The following PER2 variants were observed in gnomAD, a reference collection of about 807,000 sequenced individuals.
The protein encoded by PER2 is period circadian regulator 2.
PER2 carries 66 observed loss-of-function variants against 121.0 expected under a neutral mutation model. The observed-to-expected ratio is 0.55, with a 90% confidence interval of 0.45 to 0.67. The LOEUF is 0.67. Ranked by LOEUF, PER2 falls within the 30% of genes least tolerant of loss-of-function variation. PER2 has a pLI of 0.00. For synonymous variants in PER2, 684 were observed against 659.9 expected, an observed-to-expected ratio of 1.04 and a Z score of -0.56; for missense variants, 1,521 against 1,635.0, an observed-to-expected ratio of 0.93 and a Z score of 1.20.
intron 5 of PER2, among the ~76,000 whole-genome samples, chr2:238,272,819 C>A (rs763237261): frequency 2.6e-5 from 4 of 152,206 alleles, no homozygotes; most frequent in Non-Finnish European, 5.9e-5. Flanking sequence ...TGGGTTTGCC[C>A]TTGCACCCAT....
At chr2:238,251,322 G>C (rs949443664) in intron 20 of PER2, among the ~76,000 whole-genome samples, 3 of 152,220 alleles carry the variant, frequency 2.0e-5, no homozygotes, top group Non-Finnish European at 1.5e-5. Flanking sequence ...ACCACTATCT[G>C]GGGAGTCAGA....
intron 11 of PER2, 93 bp downstream of exon 11, chr2:238,262,098 C>G: frequency 1.6e-6 from 2 of 1,269,888 alleles, no homozygotes; most frequent in Non-Finnish European, 2.3e-6. Flanking sequence ...GGCCTCTCAG[C>G]CCCTCCCTAT....
chr2:238,273,785 A>G (rs1696368356), intron 4 of PER2, among the ~76,000 whole-genome samples: 1 of 152,174 alleles, frequency 6.6e-6, no homozygotes, highest in Non-Finnish European at 1.5e-5. Context: ...CTCCTGCCTC[A>G]GCCTTCCTAG....
Position 238,245,170 on chromosome 2 carries a change from AT to A in PER2, c.*1204del, listed in dbSNP as rs1695414322. On this transcript the variant is annotated 3_prime_UTR_variant, in exon 23 of 23. Coordinates refer to ENST00000254657, the MANE Select transcript of PER2 (RefSeq NM_022817.3). ...AATTTCCACCAGGGACCAATATTAA[AT>A]TTTCTGAACCATCTTTGGAATATAC... 5.9e-6 allele frequency: 1 copy of A among 169,856 alleles called. No individual in the cohort carries two copies. The highest frequency in any genetic ancestry group is 2.0e-4 in the South Asian group (1 of 4,956). 10.5% of individuals were successfully genotyped at this position (169,856 alleles called of 1,614,324 possible).
intron 11 of PER2, among the ~76,000 whole-genome samples, 175 bp downstream of exon 11, chr2:238,262,016 G>A (rs1002786142): frequency 1.3e-5 from 2 of 152,104 alleles, no homozygotes; most frequent in African/African-American, 4.8e-5. Context: ...CCACTTGGGG[G>A]CAGAGGACAG....
chr2:238,258,947 C>A (rs1695845216), intron 14 of PER2, among the ~76,000 whole-genome samples: 1 of 152,190 alleles, frequency 6.6e-6, no homozygotes, highest in African/African-American at 2.4e-5. Context: ...CTCACTTGAA[C>A]TCTTAAACTT....
chr2:238,255,621 T>C (rs763285581), intron 18 of PER2, 36 bp downstream of exon 18: 13 of 1,611,816 alleles, frequency 8.1e-6, no homozygotes, highest in East Asian at 2.2e-5. Context: ...GGAATAAAGT[T>C]TTTTAAAACG....
chr2:238,294,616 T>G (rs994131240), upstream of PER2, among the ~76,000 whole-genome samples: 2 of 152,232 alleles, frequency 1.3e-5, no homozygotes, highest in Non-Finnish European at 2.9e-5. Flanking sequence ...TGCATTCCAT[T>G]GTCCCTTTGC....
Position 238,275,824 on chromosome 2 carries a change from G to C in PER2, c.367C>G (p.Pro123Ala), listed in dbSNP as rs3739068. The C allele has an allele frequency of 3.7e-6, 6 of 1,614,098 alleles. No individual in the cohort carries two copies. The East Asian group carries it at 8.9e-5, about 24-fold the overall frequency. ...KTLKELKVHLPADKKAKGKAS... is the reference protein window; with the variant it reads ...KTLKELKVHLAADKKAKGKAS... ...TTGCCCTTGGCCTTCTTGTCTGCAG[G>C]GAGGTGGACCTTCAGCTCCTTTAGT... is the stretch of plus-strand genomic sequence containing the variant. The change falls in exon 4 of 23, where the codon CCT becomes GCT. Residue 123 changes from proline to alanine, a missense_variant. Transcript: ENST00000254657.
At position 238,253,416 on chromosome 2, in the gene PER2, C is replaced by T. The variant is rs558182074; in HGVS notation, c.2607G>A (p.Pro869=). ...CTGTGAAGCTGGCGTGGGGAGGTGCCGGGGGTGCTGCCACAGTCCCTGGCG... is the reference window on the plus strand; with the variant it reads ...CTGTGAAGCTGGCGTGGGGAGGTGCTGGGGGTGCTGCCACAGTCCCTGGCG... The part of the protein sequence containing the change: ...FPAPGTVAAP[P]APPHASFTVP... The change falls in exon 19 of 23, where the codon CCG becomes CCA. Residue 869 remains proline, a synonymous_variant. Transcript: ENST00000254657. The surrounding 1 kb of genome is among the most constrained non-coding windows in gnomAD (Gnocchi z 5.6). The T allele has an allele frequency of 1.1e-5, 18 of 1,610,094 alleles. No homozygotes were observed. The highest frequency in any genetic ancestry group is 1.4e-5 in the Non-Finnish European group (17 of 1,177,378).
At position 238,252,822 on chromosome 2, in the gene PER2, C is replaced by A; in HGVS notation, c.3111+90G>T. ...TTTGGTGGAAACCTCAATCGTGTAACCCCCATGTCTGAACTGAGGATGTGC... is the reference window on the plus strand; with the variant it reads ...TTTGGTGGAAACCTCAATCGTGTAAACCCCATGTCTGAACTGAGGATGTGC... On this transcript the variant is annotated intron_variant, in intron 19 of 22. Coordinates refer to ENST00000254657, the MANE Select transcript of PER2 (RefSeq NM_022817.3). The surrounding 1 kb of genome is among the most constrained non-coding windows in gnomAD (Gnocchi z 4.2). 8.9e-7 allele frequency: 1 copy of A among 1,123,048 alleles called. No homozygotes were observed. The highest frequency in any genetic ancestry group is 1.3e-6 in the Non-Finnish European group (1 of 741,434). 69.6% of individuals were successfully genotyped at this position (1,123,048 alleles called of 1,614,324 possible).
chr2:238,278,717 G>A (rs979998214), intron 1 of PER2, among the ~76,000 whole-genome samples: 1 of 152,186 alleles, frequency 6.6e-6, no homozygotes, highest in African/African-American at 2.4e-5. Context: ...CAGGAGACAT[G>A]GGGACAGACA....
chr2:238,259,276 C>T (rs1348187916), intron 14 of PER2, among the ~76,000 whole-genome samples: 2 of 152,216 alleles, frequency 1.3e-5, no homozygotes, highest in South Asian at 4.1e-4. Context: ...GGCCTGAGCA[C>T]AGAGAATGAG....
At chr2:238,262,454 G>C in intron 10 of PER2, 110 bp from the exon 11 acceptor site, 2 of 1,015,772 alleles carry the variant, frequency 2.0e-6, no homozygotes, top group Non-Finnish European at 3.0e-6. Context: ...CAAACTGTAG[G>C]GGTATGAACA....
intron 3 of PER2, among the ~76,000 whole-genome samples, chr2:238,276,347 A>G (rs1039861001): frequency 1.2e-4 from 18 of 152,250 alleles, no homozygotes; most frequent in African/African-American, 4.3e-4. Context: ...GTTCCTGGTC[A>G]AGAGTCACCG....
chr2:238,256,202 C>T (rs1337003815), intron 17 of PER2, among the ~76,000 whole-genome samples: 2 of 152,196 alleles, frequency 1.3e-5, no homozygotes, highest in African/African-American at 4.8e-5. Flanking sequence ...AGATATCCCT[C>T]GGCTGTCCTT....
rs370526340 is a variant in PER2, at chr2:238,273,117, C to T, written c.523G>A (p.Val175Met). ...GAGGTAACGCTCTCCATCTCCTCCACGGTGTAGGAGGGCACGTCTGCTCCA... is the reference window on the plus strand; with the variant it reads ...GAGGTAACGCTCTCCATCTCCTCCATGGTGTAGGAGGGCACGTCTGCTCCA... Reference protein sequence around the residue: ...PCGADVPSYTVEEMESVTSEH... With the variant: ...PCGADVPSYTMEEMESVTSEH... The change falls in exon 5 of 23, where the codon GTG becomes ATG. Residue 175 changes from valine to methionine, a missense_variant. Transcript: ENST00000254657. The T allele has an allele frequency of 1.1e-5, 18 of 1,610,954 alleles. No homozygotes were observed. Among genetic ancestry groups the T allele is most frequent in the South Asian group, 7.7e-5 (7 of 91,048 alleles).
intron 12 of PER2, chr2:238,261,392 AC>A (rs1371165312): frequency 1.7e-5 from 7 of 407,334 alleles, no homozygotes; most frequent in Non-Finnish European, 2.7e-5. Context: ...CTTAAGTCCC[AC>A]TGCTCTGGAT....
At chr2:238,266,059 A>G (rs1296850531) in intron 8 of PER2, among the ~76,000 whole-genome samples, 1 of 151,782 alleles carries the variant, frequency 6.6e-6, no homozygotes, top group Non-Finnish European at 1.5e-5. Context: ...GTGTGCCACC[A>G]CGCCCAGCTA....
Sources: allele counts gnomAD v4.1 joint callset (sites outside exome capture counted in the v4.1 genomes callset), GRCh38; gene constraint gnomAD v4.1.1; non-coding constraint Gnocchi (gnomAD v3.1); transcripts MANE v1.5; gene names NCBI Gene and HGNC (gene_info 2026-07-23, HGNC 2026-07-21).